The following ZBTB16 variants were observed in gnomAD, a reference collection of about 807,000 sequenced individuals.
ZBTB16 encodes the protein zinc finger and BTB domain-containing protein 16.
Under a neutral mutation model 56.8 loss-of-function variants are expected in ZBTB16, and 8 were observed. The observed-to-expected ratio is 0.14, with a 90% CI of 0.08 to 0.25. ZBTB16 has a LOEUF of 0.25. Ranked by LOEUF, ZBTB16 falls within the 10% of genes least tolerant of loss-of-function variation. The pLI is 1.00. For synonymous variants in ZBTB16, 363 were observed against 368.5 expected, an observed-to-expected ratio of 0.98 and a Z score of 0.17; for missense variants, 625 against 903.0, an observed-to-expected ratio of 0.69 and a Z score of 3.95.
chr11:114,103,900 T>G (rs1940699699), intron 2 of ZBTB16, among the ~76,000 whole-genome samples: 1 of 152,180 alleles, frequency 6.6e-6, no homozygotes, highest in African/African-American at 2.4e-5. Context: ...GTTTGGAGCC[T>G]GGGGAATCAA....
chr11:114,117,942 G>T (rs143638575), intron 2 of ZBTB16, among the ~76,000 whole-genome samples: 1 of 152,096 alleles, frequency 6.6e-6, no homozygotes, highest in Non-Finnish European at 1.5e-5. Flanking sequence ...ATTTTCCTTA[G>T]GTCTGGGTTC....
In ZBTB16 at chr11:114,116,695, G is replaced by C. The variant is rs147748698; in HGVS notation, c.1269-39642G>C. 5.1e-3 allele frequency among the ~76,000 whole-genome samples: 773 copies of C among 152,290 alleles called. 2 individuals carry two copies. Among genetic ancestry groups the C allele is most frequent in the African/African-American group, 0.018 (748 of 41,558 alleles). Reference sequence around the variant, plus strand: ...GTTCCTAGCTCTTAATTTGGGGTTAGAACTAGTACACACATGGCTGTAATG... The same window carrying C: ...GTTCCTAGCTCTTAATTTGGGGTTACAACTAGTACACACATGGCTGTAATG... On this transcript the variant is annotated intron_variant, in intron 2 of 6. Coordinates refer to ENST00000335953, the MANE Select transcript of ZBTB16 (RefSeq NM_006006.6).
rs752616802 is a variant in ZBTB16 at position 114,086,468 on chromosome 11, C to T, written c.1268+21900C>T. Among the ~76,000 whole-genome samples the T allele has an allele frequency of 3.9e-5, 6 of 152,152 alleles. No homozygotes were observed. The East Asian group carries it at 7.7e-4, about 20-fold the overall frequency. On this transcript the variant is annotated intron_variant, in intron 2 of 6. Coordinates refer to ENST00000335953, the MANE Select transcript of ZBTB16 (RefSeq NM_006006.6). ...TTGCACCATTTGAGTATAAGCTCTG[C>T]TGCCTCGTTTGAGTTTAAGTTTTAT...
rs190706517 is a variant in ZBTB16 at position 114,090,288 on chromosome 11, G to A, written c.1268+25720G>A. Among the ~76,000 whole-genome samples, 422 of 152,334 alleles carry A rather than the reference G, an allele frequency of 2.8e-3. 4 individuals carry two copies. The highest frequency in any genetic ancestry group is 0.014 in the South Asian group (68 of 4,826). On this transcript the variant is annotated intron_variant, in intron 2 of 6. Transcript: ENST00000335953. The stretch of plus-strand genomic sequence containing the variant: ...GTGAGGCCATTCTTGTCACTTAGGT[G>A]TCTGAGGCCTGATGGTGTTGGGGAA...
intron 4 of ZBTB16, among the ~76,000 whole-genome samples, chr11:114,217,288 T>G (rs935410791): frequency 6.6e-6 from 1 of 152,170 alleles, no homozygotes; most frequent in African/African-American, 2.4e-5. Flanking sequence ...TGAGATCAGA[T>G]ACATTTTGGA....
intron 2 of ZBTB16, among the ~76,000 whole-genome samples, chr11:114,128,529 A>G (rs960541604): frequency 6.6e-6 from 1 of 152,202 alleles, no homozygotes; most frequent in Non-Finnish European, 1.5e-5. Flanking sequence ...AATGGCGGGT[A>G]AAAACTGCGA....
intron 2 of ZBTB16, among the ~76,000 whole-genome samples, chr11:114,065,490 C>G (rs60699470): frequency 0.022 from 3,329 of 152,132 alleles, 126 homozygotes; most frequent in African/African-American, 0.077. Flanking sequence ...GATCTCTGCT[C>G]ACCGCAACCT....
chr11:114,178,642 C>T (rs1943176958), intron 3 of ZBTB16, among the ~76,000 whole-genome samples: 1 of 152,182 alleles, frequency 6.6e-6, no homozygotes, highest in South Asian at 2.1e-4. Flanking sequence ...AATTGAGTTG[C>T]AGGGATAAGG....
intron 2 of ZBTB16, among the ~76,000 whole-genome samples, chr11:114,109,296 C>T (rs1006205420): frequency 6.6e-6 from 1 of 152,204 alleles, no homozygotes; most frequent in Non-Finnish European, 1.5e-5. Context: ...AATAGCTGGT[C>T]TGTGGTGAGT....
chr11:114,102,267 C>T (rs1013865868), intron 2 of ZBTB16, among the ~76,000 whole-genome samples: 2 of 152,136 alleles, frequency 1.3e-5, no homozygotes, highest in Admixed American at 6.5e-5. Flanking sequence ...GCTTTCTTAT[C>T]GTGGCTGTAA....
intron 3 of ZBTB16, among the ~76,000 whole-genome samples, chr11:114,174,162 A>G (rs952675156): frequency 2.0e-5 from 3 of 152,202 alleles, no homozygotes; most frequent in East Asian, 1.9e-4. Context: ...CGCAGAGGCA[A>G]GTCTAGACCC....
At position 114,154,947 on chromosome 11, in the gene ZBTB16, G is replaced by A. The variant is rs1942370145; in HGVS notation, c.1269-1390G>A. On this transcript the variant is annotated intron_variant, in intron 2 of 6. Transcript: ENST00000335953. ...TGTGGCTCTAGGGAGGCTCACCTGGGTCCACCACATGGTCTTGACACACTG... is the reference window on the plus strand; with the variant it reads ...TGTGGCTCTAGGGAGGCTCACCTGGATCCACCACATGGTCTTGACACACTG... Among the ~76,000 whole-genome samples, 3 of 152,288 alleles carry A rather than the reference G, an allele frequency of 2.0e-5. No homozygotes were observed. In the South Asian group the frequency reaches 6.2e-4, roughly 32 times the overall value.
chr11:114,167,215 G>A (rs1280980378), intron 3 of ZBTB16, among the ~76,000 whole-genome samples: 1 of 81,012 alleles, frequency 1.2e-5, no homozygotes, highest in Non-Finnish European at 2.2e-5. Context: ...ATGGATTTGT[G>A]GTTTTTTTTT....
chr11:114,221,143 T>G (rs1944222447), intron 4 of ZBTB16, among the ~76,000 whole-genome samples: 3 of 152,192 alleles, frequency 2.0e-5, no homozygotes. Flanking sequence ...TCAGAACCCA[T>G]TCAGCTTCTT....
chr11:114,236,178 GA>G (rs1289212424), intron 4 of ZBTB16, among the ~76,000 whole-genome samples: 1 of 152,126 alleles, frequency 6.6e-6, no homozygotes, highest in African/African-American at 2.4e-5. Flanking sequence ...GATTTACATT[GA>G]AATGTACAGA....
chr11:114,066,803 G>T (rs983827553), intron 2 of ZBTB16, among the ~76,000 whole-genome samples: 1 of 122,458 alleles, frequency 8.2e-6, no homozygotes, highest in African/African-American at 3.3e-5. Context: ...ACGGAGTCTC[G>T]CTCTGTCACC....
intron 4 of ZBTB16, among the ~76,000 whole-genome samples, chr11:114,195,721 G>T (rs1483317017): frequency 6.6e-6 from 1 of 152,106 alleles, no homozygotes; most frequent in Non-Finnish European, 1.5e-5. Flanking sequence ...TATAGGCCTC[G>T]CATGGAGTAA....
At chr11:114,097,687 T>G (rs1940468451) in intron 2 of ZBTB16, among the ~76,000 whole-genome samples, 1 of 152,200 alleles carries the variant, frequency 6.6e-6, no homozygotes, top group African/African-American at 2.4e-5. Context: ...TTTTATTAAG[T>G]GCTATCTCTC....
intron 2 of ZBTB16, among the ~76,000 whole-genome samples, chr11:114,102,606 G>A (rs1940653528): frequency 6.9e-6 from 1 of 144,700 alleles, no homozygotes; most frequent in African/African-American, 2.5e-5. Context: ...ATTGGGAAAT[G>A]CATGGGCCTG....
Sources: allele counts gnomAD v4.1 joint callset (sites outside exome capture counted in the v4.1 genomes callset), GRCh38; gene constraint gnomAD v4.1.1; transcripts MANE v1.5; gene names NCBI Gene and HGNC (gene_info 2026-07-23, HGNC 2026-07-21).